The following SPARCL1 variants were observed in gnomAD, a reference collection of about 807,000 sequenced individuals.
SPARCL1 encodes the protein SPARC-like protein 1.
In SPARCL1, 52 loss-of-function variants were observed where a neutral mutation model predicts 67.1. The ratio of observed to expected loss-of-function variants is 0.78; its 90% CI spans 0.62 to 0.98. The LOEUF is 0.98. Ranked by LOEUF, SPARCL1 falls within the 50% of genes least tolerant of loss-of-function variation. The pLI, the probability that SPARCL1 is intolerant of heterozygous loss-of-function variation, is 0.00. For missense variants in SPARCL1, 717 were observed against 782.4 expected (o/e 0.92, Z 1.00); for synonymous variants, 226 against 267.8 (o/e 0.84, Z 1.52).
chr4:87,479,109 A>G (rs377449075), intron 10 of SPARCL1, among the ~76,000 whole-genome samples: 5 of 152,188 alleles, frequency 3.3e-5, no homozygotes, highest in African/African-American at 1.2e-4. Context: ...TTAAGGTAGG[A>G]TATGAAATAA....
intron 1 of SPARCL1, among the ~76,000 whole-genome samples, chr4:87,504,413 G>A (rs922111191): frequency 6.6e-6 from 1 of 152,056 alleles, no homozygotes; most frequent in Non-Finnish European, 1.5e-5. Flanking sequence ...AACGGGTAAT[G>A]GCATATAAAA....
intron 10 of SPARCL1, among the ~76,000 whole-genome samples, 165 bp from the exon 11 acceptor site, chr4:87,473,968 T>C (rs1236344315): frequency 6.6e-6 from 1 of 152,212 alleles, no homozygotes; most frequent in African/African-American, 2.4e-5. Context: ...TTTACAAATA[T>C]GTATTTTTAG....
At chr4:87,482,692 T>C (rs1723882525) in intron 7 of SPARCL1, 132 bp from the exon 8 acceptor site, 6 of 885,486 alleles carry the variant, frequency 6.8e-6, no homozygotes, top group Admixed American at 2.4e-5. Context: ...ATGACAGTGG[T>C]CCTCAGCCCT....
chr4:87,495,164 C>T (rs1342037217), intron 2 of SPARCL1, 37 bp from the exon 3 acceptor site: 10 of 1,573,674 alleles, frequency 6.4e-6, no homozygotes, highest in Non-Finnish European at 8.6e-6. Context: ...TTATTCATGT[C>T]TGGATGCTAA....
rs57929830 is a variant in SPARCL1, at chr4:87,522,640, A to AACACACAC, written c.-12+6397_-12+6404dup. 1.9e-3 allele frequency among the ~76,000 whole-genome samples: 250 copies of AACACACAC among 131,886 alleles called. 1 individual carries two copies. The highest frequency in any genetic ancestry group is 7.4e-3 in the Middle Eastern group (2 of 270). The allele number at this position is 131,886 out of a possible 152,430, so 86.5% of individuals were successfully genotyped here. A position where few individuals can be genotyped will look rare whatever the true frequency, so the allele number is the denominator to read the frequency against. ...CCGCTCCTCCCAGCCACCACCACCAAACACACACACACACACACACACACA... is the reference window on the plus strand; with the variant it reads ...CCGCTCCTCCCAGCCACCACCACCAAACACACACACACACACACACACACACACACACA... On this transcript the variant is annotated intron_variant, in intron 1 of 10. Transcript: ENST00000282470.
chr4:87,480,586 TA>T, intron 8 of SPARCL1, 66 bp from the exon 9 acceptor site: 1 of 1,032,878 alleles, frequency 9.7e-7, no homozygotes. Context: ...TCACTTGCTA[TA>T]AACTTTACTT....
intron 7 of SPARCL1, among the ~76,000 whole-genome samples, chr4:87,488,705 G>A (rs111683078): frequency 0.037 from 5,566 of 152,222 alleles, 342 homozygotes; most frequent in African/African-American, 0.13. Context: ...CCTTCCCCCA[G>A]GTGCTCTGTC....
chr4:87,493,955 G>A lies in SPARCL1; in HGVS notation c.845C>T (p.Ser282Leu), dbSNP rs200319615. Residue 282 changes from serine to leucine, a missense_variant, in exon 4 of 11, where the codon TCG becomes TTG. Physicochemically the swap from Ser to Leu is moderately radical, Grantham distance 145. Transcript: ENST00000282470. Reference protein sequence around the residue: ...SNAEMEEENASNVNKHIQETE... With the variant: ...SNAEMEEENALNVNKHIQETE... The stretch of plus-strand genomic sequence containing the variant: ...TTCTTGAATGTGCTTATTGACGTTC[G>A]ATGCATTTTCCTCTTCCATTTCTGC... 1.5e-4 allele frequency: 245 copies of A among 1,613,988 alleles called. 4 individuals are homozygous for A. In the South Asian group the frequency reaches 2.1e-3, roughly 14 times the overall value.
intron 1 of SPARCL1, among the ~76,000 whole-genome samples, chr4:87,523,740 G>A (rs7679697): frequency 0.39 from 59,423 of 152,008 alleles, 13,343 homozygotes; most frequent in East Asian, 0.6. Context: ...TTAAATTAAA[G>A]TAACATATTA....
chr4:87,490,928 G>T, intron 5 of SPARCL1, 50 bp from the exon 6 acceptor site: 1 of 1,094,864 alleles, frequency 9.1e-7, no homozygotes, highest in Non-Finnish European at 1.3e-6. Context: ...AATTGAGTAT[G>T]TAAATACAAA....
In SPARCL1 at chr4:87,494,595, C is replaced by T; in HGVS notation, c.205G>A (p.Glu69Lys). 4.5e-6 allele frequency: 7 copies of T among 1,568,114 alleles called. No homozygotes were observed. The highest frequency in any genetic ancestry group is 6.0e-6 in the Non-Finnish European group (7 of 1,161,778). The change falls in exon 4 of 11, where the codon GAA becomes AAA. Residue 69 changes from glutamate (E) to lysine (K), a missense_variant. Transcript: ENST00000282470. ...TTTGACTTTAGTACTGATGATTTTTCAGCCTTAAAAGAAAAAAAAGTTCAT... is the reference window on the plus strand; with the variant it reads ...TTTGACTTTAGTACTGATGATTTTTTAGCCTTAAAAGAAAAAAAAGTTCAT... ...STEDDSHHKA[E>K]KSSVLKSKEE...
chr4:87,487,020 T>C (rs28873097), intron 7 of SPARCL1, among the ~76,000 whole-genome samples: 87,653 of 149,824 alleles, frequency 0.59, 27,080 homozygotes, highest in African/African-American at 0.77. Context: ...GAATACAGTA[T>C]GCTGATGGGT....
intron 1 of SPARCL1, among the ~76,000 whole-genome samples, chr4:87,510,812 G>T (rs1560826641): frequency 6.6e-6 from 1 of 152,254 alleles, no homozygotes; most frequent in Non-Finnish European, 1.5e-5. Context: ...TGAGGCAAAG[G>T]GCTCACTGAG....
chr4:87,525,553 G>A (rs2110271212), intron 1 of SPARCL1, among the ~76,000 whole-genome samples: 1 of 152,222 alleles, frequency 6.6e-6, no homozygotes, highest in South Asian at 2.1e-4. Context: ...ATCATGTGAG[G>A]CCATTTCTAT....
intron 10 of SPARCL1, among the ~76,000 whole-genome samples, chr4:87,477,550 T>C (rs565289225): frequency 1.2e-4 from 18 of 152,264 alleles, no homozygotes; most frequent in Admixed American, 1.1e-3. Flanking sequence ...CAGTCTTGGC[T>C]TTTTCTCTCT....
chr4:87,474,097 C>T (rs1723462821), intron 10 of SPARCL1, among the ~76,000 whole-genome samples: 1 of 152,168 alleles, frequency 6.6e-6, no homozygotes. Context: ...AGAGGAAGAG[C>T]AGGTTAACGG....
At chr4:87,515,399 G>A (rs1725538557) in intron 1 of SPARCL1, among the ~76,000 whole-genome samples, 1 of 152,178 alleles carries the variant, frequency 6.6e-6, no homozygotes. Context: ...AATGAAAGAT[G>A]TTATCATATC....
intron 1 of SPARCL1, among the ~76,000 whole-genome samples, chr4:87,508,484 A>T (rs1343822244): frequency 6.6e-6 from 1 of 151,918 alleles, no homozygotes; most frequent in African/African-American, 2.4e-5. Flanking sequence ...ACAGACATGG[A>T]TCACTGTGCT....
chr4:87,490,366 CATAGGTCTGA>C lies in SPARCL1; in HGVS notation c.1428_1437del (p.Asn476LysfsTer42), dbSNP rs753155497. The C allele has an allele frequency of 7.4e-6, 12 of 1,611,834 alleles. No individual in the cohort carries two copies. In the Admixed American group the frequency reaches 1.3e-4, roughly 18 times the overall value. Reference sequence around the variant, plus strand: ...GTAGCGAATAGATGACAGGAACTAGCATAGGTCTGATTGTCAGTGCCACAAACCTATGGAA... The same window carrying C: ...GTAGCGAATAGATGACAGGAACTAGCTTGTCAGTGCCACAAACCTATGGAA... On this transcript the variant is annotated frameshift_variant, in exon 7 of 11. Coordinates refer to ENST00000282470, the MANE Select transcript of SPARCL1 (RefSeq NM_004684.6). LOFTEE classifies it high-confidence loss of function.
Sources: allele counts gnomAD v4.1 joint callset (sites outside exome capture counted in the v4.1 genomes callset), GRCh38; gene constraint gnomAD v4.1.1; transcripts MANE v1.5; gene names NCBI Gene and HGNC (gene_info 2026-07-23, HGNC 2026-07-21).